Variants in PPP3CA observed in about 807,000 individuals in gnomAD.
PPP3CA encodes the protein CAM-PRP catalytic subunit.
Under a neutral mutation model 66.5 loss-of-function variants are expected in PPP3CA, and 14 were observed. The observed-to-expected ratio is 0.21, with a 90% CI of 0.14 to 0.33. The LOEUF is 0.33. Among genes scored for constraint, PPP3CA ranks in the 10% least tolerant of loss-of-function variants. The probability of loss-of-function intolerance (pLI) is 1.00; values close to 1 mark genes in which losing one functional copy is unlikely to be tolerated. For synonymous variants in PPP3CA, 232 were observed against 226.2 expected, an observed-to-expected ratio of 1.03 and a Z score of -0.23; for missense variants, 317 against 639.5, an observed-to-expected ratio of 0.50 and a Z score of 5.44.
At chr4:101,301,867 A>G (rs1382869104) in intron 1 of PPP3CA, among the ~76,000 whole-genome samples, 2 of 150,496 alleles carry the variant, frequency 1.3e-5, no homozygotes, top group Admixed American at 6.6e-5. Context: ...AAAGGAAATT[A>G]CTAGATAATG....
At chr4:101,214,146 G>A (rs1277806529) in intron 1 of PPP3CA, among the ~76,000 whole-genome samples, 2 of 152,050 alleles carry the variant, frequency 1.3e-5, no homozygotes, top group South Asian at 2.1e-4. Flanking sequence ...TATTTTGGGG[G>A]GCTAACATTG....
intron 1 of PPP3CA, among the ~76,000 whole-genome samples, chr4:101,254,517 T>A (rs1273682642): frequency 6.6e-6 from 1 of 151,958 alleles, no homozygotes; most frequent in Non-Finnish European, 1.5e-5. Context: ...TATTACCTAA[T>A]GCTAATAGTT....
Position 101,168,149 on chromosome 4 carries a change from G to A in PPP3CA, c.259+27767C>T, listed in dbSNP as rs191957075. On this transcript the variant is annotated intron_variant, in intron 2 of 13. Transcript: ENST00000394854. ...GGAAGGGCTAGTGCAGACAGGGAAT[G>A]GAGAAGTGATCAAATTCCAGGCATA... is the stretch of plus-strand genomic sequence containing the variant. 3.6e-3 allele frequency among the ~76,000 whole-genome samples: 546 copies of A among 152,268 alleles called. 4 individuals carry two copies. Among genetic ancestry groups the A allele is most frequent in the African/African-American group, 0.013 (525 of 41,544 alleles).
chr4:101,027,388 T>C (rs116695724), intron 13 of PPP3CA, among the ~76,000 whole-genome samples: 55 of 152,264 alleles, frequency 3.6e-4, no homozygotes, highest in Non-Finnish European at 6.8e-4. Context: ...TCAATACTCA[T>C]TAAAAGATGA....
At chr4:101,123,435 T>A (rs185754675) in intron 2 of PPP3CA, among the ~76,000 whole-genome samples, 36 of 152,296 alleles carry the variant, frequency 2.4e-4, no homozygotes, top group African/African-American at 8.4e-4. Context: ...TGAAAGGGAA[T>A]GTTGCTCACA....
At chr4:101,218,835 T>TACA (rs1725533249) in intron 1 of PPP3CA, among the ~76,000 whole-genome samples, 1 of 151,928 alleles carries the variant, frequency 6.6e-6, no homozygotes, top group Admixed American at 6.6e-5. Flanking sequence ...TGTACAGAAA[T>TACA]ACACATTTTC....
intron 2 of PPP3CA, among the ~76,000 whole-genome samples, chr4:101,125,118 A>C (rs1722206169): frequency 6.6e-6 from 1 of 152,114 alleles, no homozygotes; most frequent in South Asian, 2.1e-4. Context: ...CAGGGGGGGT[A>C]TAAGATACTA....
intron 1 of PPP3CA, among the ~76,000 whole-genome samples, chr4:101,330,148 C>T (rs62322613): frequency 0.028 from 4,198 of 152,016 alleles, 99 homozygotes; most frequent in East Asian, 0.097. Flanking sequence ...GTCAAAATAT[C>T]CACATTAACA....
At chr4:101,320,457 T>C (rs1729004885) in intron 1 of PPP3CA, among the ~76,000 whole-genome samples, 1 of 132,488 alleles carries the variant, frequency 7.5e-6, no homozygotes, top group African/African-American at 3.3e-5. Flanking sequence ...CACTCATATG[T>C]ATGTATGTAT....
At chr4:101,326,064 A>G (rs1192153163) in intron 1 of PPP3CA, among the ~76,000 whole-genome samples, 1 of 152,104 alleles carries the variant, frequency 6.6e-6, no homozygotes, top group African/African-American at 2.4e-5. Context: ...TGAACCGAGG[A>G]GGCAGAGGTT....
At chr4:101,035,188 G>A (rs1727185686) in intron 11 of PPP3CA, among the ~76,000 whole-genome samples, 1 of 152,102 alleles carries the variant, frequency 6.6e-6, no homozygotes, top group African/African-American at 2.4e-5. Flanking sequence ...AGAATTGCTC[G>A]AACCCAGGAG....
At chr4:101,049,981 C>T (rs191599541) in intron 10 of PPP3CA, among the ~76,000 whole-genome samples, 12 of 152,038 alleles carry the variant, frequency 7.9e-5, no homozygotes, top group African/African-American at 2.7e-4. Context: ...AATTCAGGCA[C>T]GGTGTTTTGT....
chr4:101,202,085 G>GA (rs1724982978), intron 1 of PPP3CA, among the ~76,000 whole-genome samples: 1 of 151,942 alleles, frequency 6.6e-6, no homozygotes, highest in Non-Finnish European at 1.5e-5. Flanking sequence ...AAGATGATGA[G>GA]AAAAAAATAT....
chr4:101,310,918 A>G (rs556286859), intron 1 of PPP3CA, among the ~76,000 whole-genome samples: 84 of 152,344 alleles, frequency 5.5e-4, no homozygotes, highest in African/African-American at 1.9e-3. Context: ...CATCCTAAAG[A>G]GTACAAAATG....
At chr4:101,322,594 G>A (rs1163927149) in intron 1 of PPP3CA, among the ~76,000 whole-genome samples, 2 of 151,888 alleles carry the variant, frequency 1.3e-5, no homozygotes, top group Admixed American at 6.6e-5. Context: ...ATTTTTAGAA[G>A]AGACCGGGTT....
rs572784063 is a variant in PPP3CA at position 101,111,595 on chromosome 4, C to T, written c.260-2517G>A. Among the ~76,000 whole-genome samples the T allele has an allele frequency of 9.2e-5, 14 of 152,128 alleles. No individual in the cohort carries two copies. In the East Asian group the frequency reaches 2.3e-3, roughly 25 times the overall value. On this transcript the variant is annotated intron_variant, in intron 2 of 13. Transcript: ENST00000394854. ...AATGGTTAATCAAAGGCATTAGAGG[C>T]GGTGTGGGGTATCATTTAAAGGCCT...
intron 8 of PPP3CA, among the ~76,000 whole-genome samples, chr4:101,077,864 G>C (rs1729260346): frequency 6.8e-6 from 1 of 147,016 alleles, no homozygotes; most frequent in Non-Finnish European, 1.5e-5. Flanking sequence ...TGTTAAATCA[G>C]AACTATACAA....
At chr4:101,310,055 C>G (rs1728675025) in intron 1 of PPP3CA, among the ~76,000 whole-genome samples, 1 of 152,138 alleles carries the variant, frequency 6.6e-6, no homozygotes, top group African/African-American at 2.4e-5. Context: ...TTTCGTTTAA[C>G]TAAAATATAC....
intron 2 of PPP3CA, among the ~76,000 whole-genome samples, chr4:101,126,605 G>A (rs934969432): frequency 2.6e-5 from 4 of 152,050 alleles, no homozygotes; most frequent in Non-Finnish European, 4.4e-5. Flanking sequence ...TATGATAATA[G>A]ACCTCTTTTT....
Sources: allele counts gnomAD v4.1 joint callset (sites outside exome capture counted in the v4.1 genomes callset), GRCh38; gene constraint gnomAD v4.1.1; transcripts MANE v1.5; gene names NCBI Gene and HGNC (gene_info 2026-07-23, HGNC 2026-07-21).